The following TMEM233 variants were observed in gnomAD, a reference collection of about 807,000 sequenced individuals.
TMEM233 encodes transmembrane protein 233, also known as dispanin subfamily B member 2.
In TMEM233, 6 loss-of-function variants were observed where a neutral mutation model predicts 11.2. That is an observed-to-expected ratio of 0.54 (90% CI 0.29 to 1.06). The LOEUF (loss-of-function observed/expected upper bound fraction) is 1.06. TMEM233 is among the 50% of genes least tolerant of loss of function. The pLI is 0.08. For synonymous variants in TMEM233, 59 were observed against 55.8 expected, an observed-to-expected ratio of 1.06 and a Z score of -0.26; for missense variants, 127 against 144.7, an observed-to-expected ratio of 0.88 and a Z score of 0.63.
At chr12:119,599,475 C>G (rs1049275743) in intron 1 of TMEM233, among the ~76,000 whole-genome samples, 1 of 152,000 alleles carries the variant, frequency 6.6e-6, no homozygotes, top group Non-Finnish European at 1.5e-5. Context: ...GATATAAACA[C>G]TCAAGAACAA....
chr12:119,611,588 T>C (rs1349949628), intron 1 of TMEM233, among the ~76,000 whole-genome samples: 2 of 152,216 alleles, frequency 1.3e-5, no homozygotes, highest in African/African-American at 4.8e-5. Flanking sequence ...TCATCAGATA[T>C]GTGAATTGCA....
rs560336035 is a variant in TMEM233 at position 119,598,528 on chromosome 12, G to A, written c.186+4494G>A. ...TTTATTGGGGGACAATTCATGGCAT[G>A]GCAGGACAGTAGTACTTTGAGTCTT... On this transcript the variant is annotated intron_variant, in intron 1 of 2. Transcript: ENST00000426426. Among the ~76,000 whole-genome samples, 8 of 152,252 alleles carry A rather than the reference G, an allele frequency of 5.3e-5. No individual in the cohort carries two copies. In the South Asian group the frequency reaches 1.7e-3, roughly 32 times the overall value.
At chr12:119,612,155 G>A (rs753137298) in intron 1 of TMEM233, among the ~76,000 whole-genome samples, 12 of 152,024 alleles carry the variant, frequency 7.9e-5, no homozygotes, top group Non-Finnish European at 1.5e-4. Context: ...CACCATGCCC[G>A]GCTAATTTTT....
intron 1 of TMEM233, among the ~76,000 whole-genome samples, chr12:119,627,149 C>A (rs990480303): frequency 6.6e-6 from 1 of 152,208 alleles, no homozygotes; most frequent in Non-Finnish European, 1.5e-5. Context: ...ACAGCCGTGG[C>A]TTGGGCATGG....
chr12:119,606,543 A>G (rs994542911), intron 1 of TMEM233, among the ~76,000 whole-genome samples: 4 of 152,250 alleles, frequency 2.6e-5, no homozygotes, highest in African/African-American at 9.6e-5. Flanking sequence ...TTCTAAAATT[A>G]GGATTTCAGT....
Position 119,640,686 on chromosome 12 carries a change from C to G in TMEM233, c.324-13C>G. On this transcript the variant is annotated splice_polypyrimidine_tract_variant and intron_variant, in intron 2 of 2. Transcript: ENST00000426426. ...ACGGTCTTTCTCTCTCTCTCTCTGTCTGTACCACACAGTGCCTGAGGAACC... is the reference window on the plus strand; with the variant it reads ...ACGGTCTTTCTCTCTCTCTCTCTGTGTGTACCACACAGTGCCTGAGGAACC... The G allele has an allele frequency of 6.5e-7, 1 of 1,550,328 alleles. No homozygotes were observed. Among genetic ancestry groups the G allele is most frequent in the Non-Finnish European group, 8.7e-7 (1 of 1,146,946 alleles).
intron 2 of TMEM233, among the ~76,000 whole-genome samples, chr12:119,636,729 T>C (rs1037602429): frequency 6.6e-6 from 1 of 152,242 alleles, no homozygotes; most frequent in Non-Finnish European, 1.5e-5. Context: ...CATTTGGGTA[T>C]GAGACAAATG....
intron 1 of TMEM233, among the ~76,000 whole-genome samples, chr12:119,601,594 C>T (rs1954167129): frequency 6.7e-6 from 1 of 148,866 alleles, no homozygotes; most frequent in Non-Finnish European, 1.5e-5. Context: ...AGAGCCGGAG[C>T]TTGCAGTGAG....
chr12:119,606,751 TATAAA>T (rs1954288219), intron 1 of TMEM233, among the ~76,000 whole-genome samples: 1 of 152,214 alleles, frequency 6.6e-6, no homozygotes, highest in African/African-American at 2.4e-5. Flanking sequence ...TGACATAAAT[TATAAA>T]ATGAGTTCCT....
chr12:119,634,195 G>A (rs1335808617), intron 2 of TMEM233: 7 of 977,606 alleles, frequency 7.2e-6, no homozygotes, highest in Non-Finnish European at 8.5e-6. Context: ...CCCACAGGGA[G>A]CCTCCTTTGT....
intron 1 of TMEM233, among the ~76,000 whole-genome samples, chr12:119,626,536 AGG>A (rs1491376117): frequency 0.24 from 8,004 of 33,740 alleles, 470 homozygotes; most frequent in Middle Eastern, 0.31. Context: ...AGAAGGGAGA[AGG>A]GAGAAGAGAA....
chr12:119,647,861 G>A (rs184111824), downstream of TMEM233, among the ~76,000 whole-genome samples: 1 of 140,996 alleles, frequency 7.1e-6, no homozygotes, highest in South Asian at 2.3e-4. Flanking sequence ...ACTTATGAGT[G>A]AGAACATGCG....
At position 119,605,536 on chromosome 12, in the gene TMEM233, C is replaced by T. The variant is rs772307539; in HGVS notation, c.186+11502C>T. 2.0e-5 allele frequency among the ~76,000 whole-genome samples: 3 copies of T among 148,070 alleles called. No homozygotes were observed. The Admixed American group carries it at 2.1e-4, about 10-fold the overall frequency. On this transcript the variant is annotated intron_variant, in intron 1 of 2. Coordinates refer to ENST00000426426, the MANE Select transcript of TMEM233 (RefSeq NM_001136534.3). ...TTGACCTCCCCAGGCTAAGTCGATC[C>T]TCCCAGTTCAGCCTCCCAGGCAGCT...
At chr12:119,650,628 T>TTTGTTGTTGTTG in the TMEM233 span, among the ~76,000 whole-genome samples, 1,710 of 151,444 alleles carry the variant, frequency 0.011, 31 homozygotes, top group African/African-American at 0.039. Context: ...CTTATTTGAT[T>TTTGTTGTTGTTG]TTGTTGTTGT....
At chr12:119,653,592 T>C in the TMEM233 span, among the ~76,000 whole-genome samples, 1 of 151,672 alleles carries the variant, frequency 6.6e-6, no homozygotes, top group African/African-American at 2.4e-5. Flanking sequence ...AGGTGATGAG[T>C]TTCATGAAGC....
intron 2 of TMEM233, among the ~76,000 whole-genome samples, chr12:119,638,755 G>A (rs931795880): frequency 2.6e-5 from 4 of 151,988 alleles, no homozygotes; most frequent in African/African-American, 9.7e-5. Flanking sequence ...ATGAAGACAG[G>A]GCCAGGTGCC....
intron 1 of TMEM233, among the ~76,000 whole-genome samples, chr12:119,609,530 G>T (rs559407975): frequency 3.9e-5 from 6 of 152,328 alleles, no homozygotes; most frequent in African/African-American, 1.4e-4. Context: ...AGGCCTGGAG[G>T]CTTAGGAGGG....
At chr12:119,622,628 T>C (rs551986356) in intron 1 of TMEM233, among the ~76,000 whole-genome samples, 33 of 152,262 alleles carry the variant, frequency 2.2e-4, no homozygotes, top group African/African-American at 7.7e-4. Flanking sequence ...AGGGAAAGAA[T>C]TCTTTCTGCT....
At chr12:119,599,434 TA>T (rs5801352) in intron 1 of TMEM233, among the ~76,000 whole-genome samples, 4 of 151,716 alleles carry the variant, frequency 2.6e-5, no homozygotes, top group African/African-American at 9.7e-5. Context: ...CCCAGAATTT[TA>T]AAAAAAATCG....
Sources: allele counts gnomAD v4.1 joint callset (sites outside exome capture counted in the v4.1 genomes callset), GRCh38; gene constraint gnomAD v4.1.1; transcripts MANE v1.5; gene names NCBI Gene and HGNC (gene_info 2026-07-23, HGNC 2026-07-21).